TRIM66: variants seen among roughly 807,000 people sequenced by gnomAD.
TRIM66 encodes the protein tripartite motif containing 66.
In TRIM66, 99 loss-of-function variants were observed where a neutral mutation model predicts 148.2. That is an observed-to-expected ratio of 0.67 (90% CI 0.57 to 0.79). TRIM66 has a LOEUF of 0.79. TRIM66 is among the 30% of genes least tolerant of loss of function. The probability of loss-of-function intolerance (pLI) is 0.00; values close to 1 mark genes in which losing one functional copy is unlikely to be tolerated. For synonymous variants in TRIM66, 616 were observed against 635.9 expected (o/e 0.97, Z 0.47); for missense variants, 1,666 against 1,697.9 (o/e 0.98, Z 0.33).
In TRIM66 at chr11:8,665,691, C is replaced by T. The variant is rs202139487; in HGVS notation, c.340+6095G>A. Among the ~76,000 whole-genome samples, 15 of 152,328 alleles carry T rather than the reference C, an allele frequency of 9.8e-5. No individual in the cohort carries two copies. In the East Asian group the frequency reaches 2.9e-3, roughly 29 times the overall value. On this transcript the variant is annotated intron_variant, in intron 6 of 24. Transcript: ENST00000646038. ...GAGGAAGTTAAGCCAGGCACGGTGG[C>T]TCATGCCTGTAATCCCAGCACTTTG...
intron 6 of TRIM66, among the ~76,000 whole-genome samples, chr11:8,670,560 T>C (rs1044811281): frequency 6.6e-6 from 1 of 152,236 alleles, no homozygotes; most frequent in African/African-American, 2.4e-5. Context: ...GCCTATTTGC[T>C]AGATAATTGG....
chr11:8,656,846 G>A (rs973940477), intron 6 of TRIM66, among the ~76,000 whole-genome samples: 2 of 152,174 alleles, frequency 1.3e-5, no homozygotes, highest in African/African-American at 2.4e-5. Context: ...ATTCAGCTGT[G>A]ATGTAGCTCC....
chr11:8,649,640 C>T lies in TRIM66; in HGVS notation c.592+100G>A, dbSNP rs922824762. The T allele has an allele frequency of 4.8e-6, 7 of 1,450,824 alleles. No homozygotes were observed. The African/African-American group carries it at 9.9e-5, about 21-fold the overall frequency. The allele number at this position is 1,450,824 out of a possible 1,614,324, so 89.9% of individuals were successfully genotyped here. On this transcript the variant is annotated intron_variant, in intron 8 of 24. Coordinates refer to ENST00000646038, the MANE Select transcript of TRIM66 (RefSeq NM_001388022.1). Reference sequence around the variant, plus strand: ...CTCTGAGACTGTCCCTACCTTCTCCCCCAGCAAGAAAACAAGATCGGAGAG... The same window carrying T: ...CTCTGAGACTGTCCCTACCTTCTCCTCCAGCAAGAAAACAAGATCGGAGAG...
intron 15 of TRIM66, among the ~76,000 whole-genome samples, chr11:8,636,935 T>G (rs2035931194): frequency 6.6e-6 from 1 of 152,100 alleles, no homozygotes; most frequent in South Asian, 2.1e-4. Flanking sequence ...CAAGCCAAAT[T>G]ACAAATTATC....
At chr11:8,669,591 C>T (rs796946436) in intron 6 of TRIM66, among the ~76,000 whole-genome samples, 10 of 151,274 alleles carry the variant, frequency 6.6e-5, no homozygotes, top group African/African-American at 2.2e-4. Context: ...TGCAGTGAGC[C>T]GAGATCGCAC....
In TRIM66 at chr11:8,617,970, G is replaced by C. The variant is rs557867460; in HGVS notation, c.4153C>G (p.Leu1385Val). The C allele has an allele frequency of 9.0e-6, 14 of 1,551,538 alleles. No individual in the cohort carries two copies. Among genetic ancestry groups the C allele is most frequent in the South Asian group, 4.8e-5 (4 of 84,060 alleles). The change falls in exon 25 of 25, where the codon CTG (leucine) becomes GTG (valine). Residue 1385 changes from leucine to valine, a missense_variant. By Grantham distance (32) the Leu-to-Val change is conservative (BLOSUM62 1). Coordinates refer to ENST00000646038, the MANE Select transcript of TRIM66 (RefSeq NM_001388022.1). ...NERAKRMSFRLANSISQV is the reference protein window; with the variant it reads ...NERAKRMSFRVANSISQV ...CACACCTGAGAGATGCTGTTGGCCA[G>C]GCGAAATGACATTCTTTTTGCTCTT...
At chr11:8,620,687 G>A (rs897409548) in intron 20 of TRIM66, 115 bp from the exon 21 acceptor site, 17 of 1,433,964 alleles carry the variant, frequency 1.2e-5, no homozygotes, top group Non-Finnish European at 1.6e-5. Flanking sequence ...TGCCGTGTAA[G>A]AAATGGCTTT....
chr11:8,680,548 G>C (rs551008443), intron 1 of TRIM66: 1 of 152,296 alleles, frequency 6.6e-6, no homozygotes, highest in South Asian at 2.1e-4. Flanking sequence ...AGAAGGCTTG[G>C]GGACAATTTT....
At chr11:8,681,593 C>T (rs183509384) in intron 1 of TRIM66, among the ~76,000 whole-genome samples, 8 of 151,858 alleles carry the variant, frequency 5.3e-5, no homozygotes, top group African/African-American at 1.9e-4. Context: ...AATAGACTAG[C>T]GAGGGGATGG....
At chr11:8,619,327 ATG>A in intron 23 of TRIM66, 54 bp downstream of exon 23, 20 of 986,300 alleles carry the variant, frequency 2.0e-5, no homozygotes, top group Non-Finnish European at 2.7e-5. Context: ...CTACCCACCC[ATG>A]ACAGTCCTGG....
Position 8,621,737 on chromosome 11 carries a change from C to T in TRIM66, c.3163G>A (p.Val1055Met), listed in dbSNP as rs2034236821. ...ICAASSGEMP[V>M]FKLKPQKNDQ... ...TTCTTCTGTGGCTTCAGTTTGAACA[C>T]AGGCATCTCTCCTGAGGAGGCAGCA... The change falls in exon 19 of 25, where the codon GTG becomes ATG. Residue 1055 changes from valine to methionine, a missense_variant. Physicochemically the swap from Val to Met is conservative, Grantham distance 21. Around this residue, in one of 3 missense-constraint regions of TRIM66, gnomAD observed 1,431 missense variants for 1,412.4 expected, o/e 1.01. Coordinates refer to ENST00000646038, the MANE Select transcript of TRIM66 (RefSeq NM_001388022.1). The T allele has an allele frequency of 6.4e-7, 1 of 1,551,684 alleles. No individual in the cohort carries two copies. Among genetic ancestry groups the T allele is most frequent in the Non-Finnish European group, 8.7e-7 (1 of 1,147,008 alleles).
At chr11:8,657,444 C>T (rs116380759) in intron 6 of TRIM66, among the ~76,000 whole-genome samples, 2,353 of 152,256 alleles carry the variant, frequency 0.015, 68 homozygotes, top group African/African-American at 0.054. Context: ...TTCCCCACCA[C>T]ACAGATGATG....
At chr11:8,637,442 T>C (rs547336992) in intron 15 of TRIM66, among the ~76,000 whole-genome samples, 2 of 152,228 alleles carry the variant, frequency 1.3e-5, no homozygotes, top group South Asian at 4.2e-4. Context: ...AAAGGGCCAA[T>C]ATACAGTACC....
At position 8,618,965 on chromosome 11, in the gene TRIM66, C is replaced by T; in HGVS notation, c.3904G>A (p.Asp1302Asn). ...CGGCCAGCCTCTGCAACCTCGGAGT[C>T]AGGCTGATGGGGGAGGAGAGCAGTG... ...FWNCAKFNYP[D>N]SEVAEAGRCL... is the part of the protein sequence containing the mutation. Residue 1302 changes from aspartate to asparagine, a missense_variant, in exon 24 of 25, where the codon GAC becomes AAC. Physicochemically the swap from Asp to Asn is conservative, Grantham distance 23. Coordinates refer to ENST00000646038, the MANE Select transcript of TRIM66 (RefSeq NM_001388022.1). 1 of 1,551,406 alleles carries T rather than the reference C, an allele frequency of 6.4e-7. No individual in the cohort carries two copies. The highest frequency in any genetic ancestry group is 1.7e-4 in the Middle Eastern group (1 of 5,992).
intron 18 of TRIM66, 102 bp from the exon 19 acceptor site, chr11:8,621,921 G>A: frequency 8.5e-7 from 1 of 1,177,912 alleles, no homozygotes; most frequent in Non-Finnish European, 1.1e-6. Context: ...AATATTGAGT[G>A]TCAACTTGAT....
chr11:8,657,954 G>A (rs1040879371), intron 6 of TRIM66, among the ~76,000 whole-genome samples: 1 of 152,354 alleles, frequency 6.6e-6, no homozygotes, highest in Non-Finnish European at 1.5e-5. Flanking sequence ...TCAGAGAAGC[G>A]ACAGGTGAGA....
rs1003009690 is a variant in TRIM66 at position 8,672,330 on chromosome 11, A to G, written c.-56T>C. On this transcript the variant is annotated 5_prime_UTR_variant, in exon 5 of 25. Coordinates refer to ENST00000646038, the MANE Select transcript of TRIM66 (RefSeq NM_001388022.1). ...TCTGCTGTTTGTCTGAAGGCGAACA[A>G]ACCCTTCAAAAGTGTCCCGTACCTG... The G allele has an allele frequency of 2.0e-6, 3 of 1,536,002 alleles. No individual in the cohort carries two copies. The highest frequency in any genetic ancestry group is 2.0e-5 in the Admixed American group (1 of 50,986).
At chr11:8,621,877 TAA>T in intron 18 of TRIM66, 58 bp from the exon 19 acceptor site, 6 of 1,442,398 alleles carry the variant, frequency 4.2e-6, no homozygotes, top group Non-Finnish European at 5.5e-6. Context: ...TCCCAACCTC[TAA>T]GTCAGAAACA....
intron 1 of TRIM66, chr11:8,680,985 T>G (rs753291728): frequency 6.6e-6 from 1 of 152,226 alleles, no homozygotes; most frequent in Non-Finnish European, 1.5e-5. Context: ...CGTTCATTAA[T>G]GACATTAGTA....
Sources: gnomAD v4.1 joint callset for allele counts (sites outside exome capture counted in the v4.1 genomes callset) on GRCh38, gnomAD v4.1.1 for gene constraint, gnomAD v4.1.1 regional missense constraint, MANE v1.5 for transcripts, NCBI Gene and HGNC (gene_info 2026-07-23, HGNC 2026-07-21) for gene names.